Variants in EFCAB6 observed in about 807,000 individuals in gnomAD.
EFCAB6 encodes the protein EF-hand calcium-binding domain-containing protein 6.
EFCAB6 carries 156 observed loss-of-function variants against 169.8 expected under a neutral mutation model. The ratio of observed to expected loss-of-function variants is 0.92; its 90% CI spans 0.81 to 1.05. The LOEUF (loss-of-function observed/expected upper bound fraction) is 1.05, where lower values mean the gene tolerates loss of function less well. Ranked by LOEUF, EFCAB6 falls within the 50% of genes least tolerant of loss-of-function variation. EFCAB6 has a pLI of 0.00. For synonymous variants in EFCAB6, 698 were observed against 676.4 expected, an observed-to-expected ratio of 1.03 and a Z score of -0.50; for missense variants, 1,800 against 1,829.1, an observed-to-expected ratio of 0.98 and a Z score of 0.29.
chr22:43,760,655 AT>A (rs71188411), intron 5 of EFCAB6, among the ~76,000 whole-genome samples: 34,154 of 138,816 alleles, frequency 0.25, 4,582 homozygotes, highest in East Asian at 0.6. Context: ...GAGTAGGTGC[AT>A]TTTTTTTTTT....
At chr22:43,797,028 T>C (rs1291504497) in intron 2 of EFCAB6, among the ~76,000 whole-genome samples, 1 of 152,206 alleles carries the variant, frequency 6.6e-6, no homozygotes, top group Non-Finnish European at 1.5e-5. Context: ...GTGATATATA[T>C]GAGAATGCCT....
chr22:43,623,230 T>C (rs937868355), intron 20 of EFCAB6, among the ~76,000 whole-genome samples: 1 of 152,208 alleles, frequency 6.6e-6, no homozygotes, highest in Non-Finnish European at 1.5e-5. Context: ...TGATGGACTA[T>C]CTAATTTTGC....
chr22:43,710,569 G>C (rs2059123665), intron 10 of EFCAB6, among the ~76,000 whole-genome samples: 1 of 151,940 alleles, frequency 6.6e-6, no homozygotes, highest in South Asian at 2.1e-4. Context: ...TATATTAACT[G>C]TGTCTTGTTG....
At chr22:43,756,377 C>T (rs1380594096) in intron 5 of EFCAB6, among the ~76,000 whole-genome samples, 1 of 152,196 alleles carries the variant, frequency 6.6e-6, no homozygotes, top group Non-Finnish European at 1.5e-5. Context: ...GGCTCACTTT[C>T]AGCTGCTCAG....
chr22:43,598,323 A>AAAAAC (rs1569223128), intron 23 of EFCAB6, among the ~76,000 whole-genome samples: 1 of 138,108 alleles, frequency 7.2e-6, no homozygotes, highest in Admixed American at 7.8e-5. Context: ...AAAAAAAAAA[A>AAAAAC]AAAAAAAAAA....
In EFCAB6 at chr22:43,537,974, T is replaced by G. The variant is rs67418047; in HGVS notation, c.3880-429A>C. ...GAATATCTGTTATTTAGACATTATG[T>G]GGATCAAGTACGAGGCTGTTCTTTG... On this transcript the variant is annotated intron_variant, in intron 28 of 31. Transcript: ENST00000262726. The surrounding 1 kb of genome is among the most constrained non-coding windows in gnomAD (Gnocchi z 4.3). Among the ~76,000 whole-genome samples the G allele has an allele frequency of 0.04, 6,065 of 152,304 alleles. 138 individuals are homozygous for G. The highest frequency in any genetic ancestry group is 0.054 in the African/African-American group (2,228 of 41,548).
At chr22:43,777,250 T>G (rs1374175435) in intron 3 of EFCAB6, among the ~76,000 whole-genome samples, 1 of 152,190 alleles carries the variant, frequency 6.6e-6, no homozygotes, top group Non-Finnish European at 1.5e-5. Flanking sequence ...CGGTCTGAGA[T>G]GCCGGTTAGA....
At chr22:43,649,435 C>T (rs1403618203) in intron 17 of EFCAB6, among the ~76,000 whole-genome samples, 2 of 152,160 alleles carry the variant, frequency 1.3e-5, no homozygotes, top group Non-Finnish European at 2.9e-5. Flanking sequence ...CTGTCATACA[C>T]AGCCACTAGA....
intron 20 of EFCAB6, among the ~76,000 whole-genome samples, chr22:43,620,811 T>C (rs2054065645): frequency 1.3e-5 from 2 of 152,100 alleles, no homozygotes; most frequent in Non-Finnish European, 2.9e-5. Flanking sequence ...TCTTAGTAAC[T>C]GATAGAATAA....
At chr22:43,589,826 C>G (rs1332886167) in intron 24 of EFCAB6, among the ~76,000 whole-genome samples, 1 of 152,210 alleles carries the variant, frequency 6.6e-6, no homozygotes, top group East Asian at 1.9e-4. Flanking sequence ...AAAAACCCCA[C>G]TGATGTTAAG....
Position 43,765,361 on chromosome 22 carries a change from G to C in EFCAB6, c.384C>G (p.Tyr128Ter). ...CACCAAACCTGGACAGAAAGGCAAGGTACGGTACAGTACCAGAGGTGCTAA... is the reference window on the plus strand; with the variant it reads ...CACCAAACCTGGACAGAAAGGCAAGCTACGGTACAGTACCAGAGGTGCTAA... ...IPLSTSGTVP[Y>*]LAFLSRFGGI... Residue 128 changes from tyrosine to a stop codon, truncating the protein, a stop_gained, in exon 5 of 32, where the codon TAC (tyrosine) becomes TAG (stop). Transcript: ENST00000262726. LOFTEE classifies it high-confidence loss of function. 1 of 1,612,518 alleles carries C rather than the reference G, an allele frequency of 6.2e-7. No individual in the cohort carries two copies. Among genetic ancestry groups the C allele is most frequent in the East Asian group, 2.2e-5 (1 of 44,784 alleles).
intron 26 of EFCAB6, among the ~76,000 whole-genome samples, chr22:43,556,674 A>T (rs2048726200): frequency 6.6e-6 from 1 of 152,204 alleles, no homozygotes; most frequent in African/African-American, 2.4e-5. Flanking sequence ...TAATGTATAA[A>T]GTCTTTCTTA....
chr22:43,669,619 C>T (rs185199749), intron 15 of EFCAB6, among the ~76,000 whole-genome samples: 13 of 151,556 alleles, frequency 8.6e-5, no homozygotes, highest in Middle Eastern at 3.4e-3. Flanking sequence ...TTTGGGGTGG[C>T]GAAAATATTT....
chr22:43,651,933 G>T (rs1018527900), intron 17 of EFCAB6, among the ~76,000 whole-genome samples: 2 of 152,190 alleles, frequency 1.3e-5, no homozygotes, highest in Non-Finnish European at 2.9e-5. Context: ...TTGTATCTAG[G>T]AAGCAACTAA....
chr22:43,765,516 C>A, intron 4 of EFCAB6, 123 bp from the exon 5 acceptor site: 2 of 652,026 alleles, frequency 3.1e-6, no homozygotes, highest in Non-Finnish European at 5.4e-6. Flanking sequence ...ACAGGACGAG[C>A]ATTCCATTAA....
At chr22:43,539,999 A>G (rs1602134094) in intron 28 of EFCAB6, 128 bp downstream of exon 28, 2 of 1,002,934 alleles carry the variant, frequency 2.0e-6, no homozygotes, top group South Asian at 3.2e-5. Context: ...ATGTGCCCCC[A>G]CCCCAGACTC....
intron 2 of EFCAB6, among the ~76,000 whole-genome samples, chr22:43,784,612 TGTATATATACAC>T: frequency 1.4e-5 from 1 of 73,420 alleles, no homozygotes; most frequent in African/African-American, 5.7e-5. Context: ...CATATATATG[TGTATATATACAC>T]ATATATATGT....
intron 8 of EFCAB6, among the ~76,000 whole-genome samples, chr22:43,718,698 T>G (rs1056965046): frequency 2.6e-5 from 4 of 152,192 alleles, no homozygotes; most frequent in African/African-American, 9.7e-5. Flanking sequence ...GGAGAACTGC[T>G]TGAACCTGGG....
At chr22:43,579,746 ACAGGCATCATTCCGTACACG>A (rs2050588589) in intron 25 of EFCAB6, among the ~76,000 whole-genome samples, 1 of 138,472 alleles carries the variant, frequency 7.2e-6, no homozygotes, top group African/African-American at 2.7e-5. Context: ...TTCCCTACAC[ACAGGCATCATTCCGTACACG>A]CAGGCATCAT....
Sources: gnomAD v4.1 joint callset for allele counts (sites outside exome capture counted in the v4.1 genomes callset) on GRCh38, gnomAD v4.1.1 for gene constraint, Gnocchi (gnomAD v3.1) non-coding constraint, MANE v1.5 for transcripts, NCBI Gene and HGNC (gene_info 2026-07-23, HGNC 2026-07-21) for gene names.